Variants in MGST3 observed in about 807,000 individuals in gnomAD.
The protein encoded by MGST3 is microsomal glutathione S-transferase 3.
A neutral mutation model predicts 15.8 loss-of-function variants in MGST3; 13 were observed. The observed-to-expected ratio is 0.82, with a 90% CI of 0.54 to 1.31. The LOEUF (loss-of-function observed/expected upper bound fraction) is 1.31. Among genes scored for constraint, MGST3 ranks in the 50% most tolerant of loss-of-function variants. The pLI is 0.00. For missense variants in MGST3, 155 were observed against 192.4 expected, an observed-to-expected ratio of 0.81 and a Z score of 1.15; for synonymous variants, 49 against 68.1, an observed-to-expected ratio of 0.72 and a Z score of 1.38.
In MGST3 at chr1:165,654,328, A is replaced by T; in HGVS notation, c.299A>T (p.Tyr100Phe). The change falls in exon 5 of 6, where the codon TAT (tyrosine) becomes TTT (phenylalanine). Residue 100 changes from tyrosine to phenylalanine, a missense_variant. Transcript: ENST00000367889. ...GLAWIVGRVL[Y>F]AYGYYTGEPS... Reference sequence around the variant, plus strand: ...GCCTGGATTGTTGGACGAGTTCTTTATGCTTATGGCTATTACACGGGAGGT... The same window carrying T: ...GCCTGGATTGTTGGACGAGTTCTTTTTGCTTATGGCTATTACACGGGAGGT... 6.2e-7 allele frequency: 1 copy of T among 1,614,058 alleles called. No individual in the cohort carries two copies. Among genetic ancestry groups the T allele is most frequent in the Non-Finnish European group, 8.5e-7 (1 of 1,179,984 alleles).
intron 1 of MGST3, among the ~76,000 whole-genome samples, chr1:165,637,699 ACT>A (rs2101715105): frequency 6.6e-6 from 1 of 152,234 alleles, no homozygotes; most frequent in South Asian, 2.1e-4. Flanking sequence ...TTCCCAGGAA[ACT>A]CTGTCAGTAA....
chr1:165,638,352 C>A (rs1648169972), intron 1 of MGST3, among the ~76,000 whole-genome samples: 1 of 150,608 alleles, frequency 6.6e-6, no homozygotes, highest in Non-Finnish European at 1.5e-5. Flanking sequence ...TGGTGGCACA[C>A]ACCTGTAATA....
intron 3 of MGST3, chr1:165,651,398 G>C: frequency 2.3e-6 from 1 of 430,408 alleles, no homozygotes; most frequent in Non-Finnish European, 4.4e-6. Context: ...GGAGTGAAGA[G>C]GTTTTGAATG....
At chr1:165,641,429 T>G (rs1388004418) in intron 1 of MGST3, among the ~76,000 whole-genome samples, 2 of 152,238 alleles carry the variant, frequency 1.3e-5, no homozygotes, top group African/African-American at 4.8e-5. Context: ...TTTTGCAATC[T>G]AATTAGACCA....
chr1:165,632,285 T>C, intron 1 of MGST3: 1 of 1,612,484 alleles, frequency 6.2e-7, no homozygotes, highest in Non-Finnish European at 8.5e-7. Context: ...GTATGTGCTG[T>C]TGGGCCTAGG....
intron 4 of MGST3, 146 bp downstream of exon 4, chr1:165,652,181 C>T: frequency 1.4e-6 from 1 of 724,402 alleles, no homozygotes; most frequent in Non-Finnish European, 2.5e-6. Flanking sequence ...TTATTTCTTA[C>T]AGAGTTCTTT....
At chr1:165,650,884 AATTGAATGGTCATCT>A in intron 2 of MGST3, 115 bp from the exon 3 acceptor site, 1 of 780,552 alleles carries the variant, frequency 1.3e-6, no homozygotes, top group Non-Finnish European at 2.3e-6. Context: ...TTTAAGCAGA[AATTGAATGGTCATCT>A]ATCAAGGGTG....
intron 1 of MGST3, among the ~76,000 whole-genome samples, chr1:165,645,475 C>T (rs1410249050): frequency 6.6e-6 from 1 of 151,732 alleles, no homozygotes; most frequent in East Asian, 1.9e-4. Context: ...TTACAGTTAA[C>T]ATTTTTTTTT....
At chr1:165,654,108 TTTA>T in intron 4 of MGST3, 168 bp from the exon 5 acceptor site, 1 of 664,808 alleles carries the variant, frequency 1.5e-6, no homozygotes, top group Non-Finnish European at 2.7e-6. Flanking sequence ...TCACAGATAT[TTTA>T]TTTTCCCGCT....
chr1:165,644,196 A>G (rs528927656), intron 1 of MGST3, among the ~76,000 whole-genome samples: 13 of 152,294 alleles, frequency 8.5e-5, no homozygotes, highest in African/African-American at 3.1e-4. Flanking sequence ...ATATGTTCTG[A>G]GAAATGTGTT....
intron 5 of MGST3, 148 bp downstream of exon 5, chr1:165,654,499 T>C (rs1648653418): frequency 1.4e-6 from 1 of 740,018 alleles, no homozygotes; most frequent in East Asian, 2.7e-5. Flanking sequence ...GATACCAGCC[T>C]GGGCAACATG....
chr1:165,637,110 C>T (rs528948809), intron 1 of MGST3: 7 of 152,024 alleles, frequency 4.6e-5, no homozygotes, highest in Admixed American at 2.0e-4. Context: ...CACAGGCAGC[C>T]GAATAAGGAT....
chr1:165,643,977 G>A (rs1281920083), intron 1 of MGST3, among the ~76,000 whole-genome samples: 2 of 151,750 alleles, frequency 1.3e-5, no homozygotes, highest in African/African-American at 4.8e-5. Context: ...AGGATCACCT[G>A]AGCCCAGAAG....
intron 3 of MGST3, chr1:165,651,380 A>G (rs1352351857): frequency 4.4e-6 from 2 of 459,170 alleles, no homozygotes; most frequent in Non-Finnish European, 8.1e-6. Context: ...TGACTCTCCC[A>G]GGCCTAGGGA....
At chr1:165,645,375 C>T (rs372790416) in intron 1 of MGST3, among the ~76,000 whole-genome samples, 4 of 152,134 alleles carry the variant, frequency 2.6e-5, no homozygotes, top group East Asian at 3.8e-4. Flanking sequence ...TGGAAGGTCA[C>T]ATGGACACAC....
At chr1:165,633,413 C>A (rs1171921298) in intron 1 of MGST3, among the ~76,000 whole-genome samples, 2 of 152,008 alleles carry the variant, frequency 1.3e-5, no homozygotes, top group African/African-American at 4.8e-5. Flanking sequence ...AACTTGCGTT[C>A]TACGATTTAG....
intron 1 of MGST3, among the ~76,000 whole-genome samples, chr1:165,637,602 C>T (rs776569870): frequency 1.3e-5 from 2 of 152,124 alleles, no homozygotes; most frequent in Non-Finnish European, 1.5e-5. Flanking sequence ...ACCAAAGGAA[C>T]CCTGCCCCAG....
At chr1:165,650,097 A>G in intron 2 of MGST3, 133 bp downstream of exon 2, 1 of 1,327,064 alleles carries the variant, frequency 7.5e-7, no homozygotes, top group Non-Finnish European at 1.0e-6. Context: ...GGACTGTGTT[A>G]GCGATTCTGC....
chr1:165,640,640 G>A (rs935254046), intron 1 of MGST3, among the ~76,000 whole-genome samples: 7 of 152,132 alleles, frequency 4.6e-5, no homozygotes, highest in African/African-American at 1.7e-4. Flanking sequence ...AAACTCTCCA[G>A]GTGATTTTAA....
Sources: gnomAD v4.1 joint callset for allele counts (sites outside exome capture counted in the v4.1 genomes callset) on GRCh38, gnomAD v4.1.1 for gene constraint, MANE v1.5 for transcripts, NCBI Gene and HGNC (gene_info 2026-07-23, HGNC 2026-07-21) for gene names.